The following SATB2 variants were observed in gnomAD, a reference collection of about 807,000 sequenced individuals.
SATB2 encodes DNA-binding protein SATB2.
A neutral mutation model predicts 73.4 loss-of-function variants in SATB2; 1 was observed. The observed-to-expected ratio is 0.01, with a 90% CI of 0.00 to 0.06. The LOEUF is 0.06. Among genes scored for constraint, SATB2 ranks in the 10% least tolerant of loss-of-function variants. The probability of loss-of-function intolerance (pLI) is 1.00; values close to 1 mark genes in which losing one functional copy is unlikely to be tolerated. For missense variants in SATB2, 459 were observed against 945.8 expected, an observed-to-expected ratio of 0.49 and a Z score of 6.75; for synonymous variants, 397 against 367.0, an observed-to-expected ratio of 1.08 and a Z score of -0.93.
chr2:199,457,940 A>G (rs1171783960), upstream of SATB2: 1 of 152,862 alleles, frequency 6.5e-6, no homozygotes, highest in Non-Finnish European at 1.5e-5. The surrounding 1 kb of genome is among the most constrained non-coding windows in gnomAD (Gnocchi z 4.8). Flanking sequence ...AGCCGGACTC[A>G]CTGACAAGCC....
chr2:199,343,740 T>G (rs1054131850), intron 7 of SATB2, among the ~76,000 whole-genome samples: 3 of 152,220 alleles, frequency 2.0e-5, no homozygotes, highest in African/African-American at 7.2e-5. Flanking sequence ...ACTCATACAT[T>G]CCTACGCAGT....
Position 199,359,662 on chromosome 2 carries a change from A to G in SATB2, c.700+8943T>C, listed in dbSNP as rs751228350. On this transcript the variant is annotated intron_variant, in intron 6 of 10. Transcript: ENST00000417098. ...AAGTATTCACTGTGTTTAAGGCCTC[A>G]TGCTCACAGGACTCTGGGGAGGACA... Among the ~76,000 whole-genome samples the G allele has an allele frequency of 6.8e-4, 103 of 152,316 alleles. 1 individual carries two copies. Among genetic ancestry groups the G allele is most frequent in the Middle Eastern group, 6.8e-3 (2 of 294 alleles).
intron 2 of SATB2, among the ~76,000 whole-genome samples, chr2:199,436,673 G>T (rs1022995981): frequency 3.9e-5 from 6 of 152,004 alleles, no homozygotes; most frequent in Admixed American, 3.9e-4. Flanking sequence ...AGGAAAAATA[G>T]ATGCAATTAC....
At chr2:199,383,456 G>A (rs932821366) in intron 3 of SATB2, among the ~76,000 whole-genome samples, 3 of 152,112 alleles carry the variant, frequency 2.0e-5, no homozygotes, top group African/African-American at 7.2e-5. Flanking sequence ...CATGTAACAT[G>A]TCTAACATAT....
At position 199,349,222 on chromosome 2, in the gene SATB2, T is replaced by A. The variant is rs566937070; in HGVS notation, c.701-49A>T. The A allele has an allele frequency of 8.7e-5, 119 of 1,365,200 alleles. No homozygotes were observed. In the South Asian group the frequency reaches 1.4e-3, roughly 16 times the overall value. The allele number at this position is 1,365,200 out of a possible 1,614,324, so 84.6% of individuals were successfully genotyped here. On this transcript the variant is annotated intron_variant, in intron 6 of 10. Coordinates refer to ENST00000417098, the MANE Select transcript of SATB2 (RefSeq NM_001172509.2). ...TTAATCATTATTTTCATTGGTACAA[T>A]TTATTGCTAATATATGTAGAACTGA...
chr2:199,381,744 G>A lies in SATB2; in HGVS notation c.423C>T (p.Asp141=). The A allele has an allele frequency of 6.2e-7, 1 of 1,614,122 alleles. No homozygotes were observed. The highest frequency in any genetic ancestry group is 8.5e-7 in the Non-Finnish European group (1 of 1,179,972). ...VTDAPDATVA[D]MLQDVYHVVT... ...CAACATGATAGACATCTTGTAGCAT[G>A]TCGGCCACTGTCGCGTCGGGTGCAT... is the stretch of plus-strand genomic sequence containing the variant. Residue 141 remains aspartate (D), a synonymous_variant, in exon 4 of 11, where the codon GAC becomes GAT. Coordinates refer to ENST00000417098, the MANE Select transcript of SATB2 (RefSeq NM_001172509.2).
intron 2 of SATB2, among the ~76,000 whole-genome samples, chr2:199,452,481 T>C (rs1415577508): frequency 6.6e-6 from 1 of 152,180 alleles, no homozygotes; most frequent in African/African-American, 2.4e-5. Flanking sequence ...CTAATAGTGG[T>C]AAAAAGGATC....
chr2:199,352,337 A>T (rs1436091929), intron 6 of SATB2, among the ~76,000 whole-genome samples: 1 of 152,238 alleles, frequency 6.6e-6, no homozygotes, highest in Non-Finnish European at 1.5e-5. Flanking sequence ...CATATAATTT[A>T]AAAATACCTC....
chr2:199,314,258 T>C (rs1687670031), intron 9 of SATB2, among the ~76,000 whole-genome samples: 3 of 152,198 alleles, frequency 2.0e-5, no homozygotes, highest in African/African-American at 7.2e-5. Context: ...TAGTAGCTTC[T>C]CAATAAATAG....
intron 2 of SATB2, among the ~76,000 whole-genome samples, chr2:199,453,488 T>C (rs1474491080): frequency 6.6e-6 from 1 of 152,062 alleles, no homozygotes; most frequent in Non-Finnish European, 1.5e-5. Flanking sequence ...GAACATAGAA[T>C]GGTAGAAATA....
At chr2:199,315,178 G>C (rs1687696488) in intron 9 of SATB2, among the ~76,000 whole-genome samples, 1 of 151,950 alleles carries the variant, frequency 6.6e-6, no homozygotes, top group Admixed American at 6.6e-5. Flanking sequence ...CTCTCTGTGT[G>C]TATATATGCA....
Position 199,463,365 on chromosome 2 carries a change from A to G in SATB2, c.-141+1471T>C, listed in dbSNP as rs1383152242. Among the ~76,000 whole-genome samples the G allele has an allele frequency of 6.6e-6, 1 of 152,160 alleles. No homozygotes were observed. The highest frequency in any genetic ancestry group is 2.4e-5 in the African/African-American group (1 of 41,442). On this transcript the variant is annotated intron_variant, in intron 1 of 11. Coordinates refer to the SATB2 transcript ENST00000260926. The surrounding 1 kb of genome is among the most constrained non-coding windows in gnomAD (Gnocchi z 6.4). ...CGCTGCGTCCCCGCCCCCAGCTCGG[A>G]GCTGCCGGGGTTGGGGCCCCGGGTG... is the stretch of plus-strand genomic sequence containing the variant.
intron 3 of SATB2, chr2:199,395,848 A>G (rs953419177): frequency 6.6e-6 from 1 of 152,224 alleles, no homozygotes; most frequent in African/African-American, 2.4e-5. Context: ...TTTAAAAATA[A>G]ATATTTTATT....
chr2:199,442,751 T>G (rs1029054345), intron 2 of SATB2, among the ~76,000 whole-genome samples: 1 of 151,782 alleles, frequency 6.6e-6, no homozygotes, highest in Non-Finnish European at 1.5e-5. Flanking sequence ...ATCTCTAAAA[T>G]AAATAATTAA....
chr2:199,418,425 A>G (rs1200337632), intron 3 of SATB2, among the ~76,000 whole-genome samples: 1 of 152,212 alleles, frequency 6.6e-6, no homozygotes, highest in Non-Finnish European at 1.5e-5. Context: ...GAAAGAAACT[A>G]GTCAATCAAT....
Position 199,272,415 on chromosome 2 carries a change from C to T in SATB2, c.1998G>A (p.Gln666=). The change falls in exon 11 of 11, where the codon CAG becomes CAA. Residue 666 remains glutamine, a synonymous_variant. Coordinates refer to ENST00000417098, the MANE Select transcript of SATB2 (RefSeq NM_001172509.2). This position sits in a 1 kb window ranked among gnomAD's most constrained non-coding sequence, Gnocchi z 6.7. ...TCCCGTGGTGCTTCACGTGGTACCGCTGGTTCTGGAAGAACTTGATGATGG... is the reference window on the plus strand; with the variant it reads ...TCCCGTGGTGCTTCACGTGGTACCGTTGGTTCTGGAAGAACTTGATGATGG... ...KHTIIKFFQN[Q]RYHVKHHGKL... The T allele has an allele frequency of 1.2e-6, 2 of 1,614,198 alleles. No individual in the cohort carries two copies. Among genetic ancestry groups the T allele is most frequent in the Non-Finnish European group, 1.7e-6 (2 of 1,180,032 alleles).
chr2:199,385,929 C>T (rs574215095), intron 3 of SATB2, among the ~76,000 whole-genome samples: 3 of 152,156 alleles, frequency 2.0e-5, no homozygotes, highest in East Asian at 1.9e-4. Flanking sequence ...AATGGGGATA[C>T]GAACAATGCC....
intron 10 of SATB2, among the ~76,000 whole-genome samples, chr2:199,283,509 T>C (rs1229350365): frequency 2.7e-5 from 4 of 147,832 alleles, no homozygotes; most frequent in African/African-American, 7.4e-5. Context: ...TTCCCACCAG[T>C]GCTTTTGTAC....
At chr2:199,366,049 T>C (rs1689273462) in intron 6 of SATB2, among the ~76,000 whole-genome samples, 1 of 152,132 alleles carries the variant, frequency 6.6e-6, no homozygotes, top group Non-Finnish European at 1.5e-5. Flanking sequence ...AGGAAACATA[T>C]TTAACAATGT....
Sources: allele counts gnomAD v4.1 joint callset (sites outside exome capture counted in the v4.1 genomes callset), GRCh38; gene constraint gnomAD v4.1.1; non-coding constraint Gnocchi (gnomAD v3.1); transcripts MANE v1.5; gene names NCBI Gene and HGNC (gene_info 2026-07-23, HGNC 2026-07-21).